The following KIF6 variants were observed in gnomAD, a reference collection of about 807,000 sequenced individuals.
The protein encoded by KIF6 is kinesin-like protein KIF6.
In KIF6, 106 loss-of-function variants were observed where a neutral mutation model predicts 112.7. The observed-to-expected ratio is 0.94, with a 90% CI of 0.80 to 1.11. The LOEUF (loss-of-function observed/expected upper bound fraction) is 1.11. Among genes scored for constraint, KIF6 ranks in the 50% least tolerant of loss-of-function variants. KIF6 has a pLI of 0.00. For synonymous variants in KIF6, 339 were observed against 339.9 expected (o/e 1.00, Z 0.03); for missense variants, 929 against 964.0 (o/e 0.96, Z 0.48).
At chr6:39,433,082 C>CAG (rs199821913) in intron 13 of KIF6, among the ~76,000 whole-genome samples, 3,412 of 152,320 alleles carry the variant, frequency 0.022, 69 homozygotes, top group Non-Finnish European at 0.029. Context: ...GCAGAGCTGA[C>CAG]TGTGAATGGA....
chr6:39,495,187 G>A (rs1413904928), intron 13 of KIF6, among the ~76,000 whole-genome samples: 1 of 152,186 alleles, frequency 6.6e-6, no homozygotes, highest in Non-Finnish European at 1.5e-5. Flanking sequence ...TTCTGCTAAG[G>A]CACTGGTGGA....
chr6:39,622,334 C>G (rs1490899594), intron 5 of KIF6, among the ~76,000 whole-genome samples: 1 of 151,612 alleles, frequency 6.6e-6, no homozygotes, highest in Non-Finnish European at 1.5e-5. Flanking sequence ...TATGTGCTTG[C>G]TTTTTAACTT....
intron 19 of KIF6, among the ~76,000 whole-genome samples, chr6:39,348,795 G>C (rs1443786906): frequency 6.6e-6 from 1 of 152,178 alleles, no homozygotes; most frequent in Non-Finnish European, 1.5e-5. Context: ...ATGAGCAGAA[G>C]ACCAGCGCCC....
chr6:39,446,534 C>T (rs1772329395), intron 13 of KIF6, among the ~76,000 whole-genome samples: 1 of 152,174 alleles, frequency 6.6e-6, no homozygotes, highest in South Asian at 2.1e-4. Flanking sequence ...ACTCTTGTTG[C>T]CCAGGCTGGA....
intron 3 of KIF6, chr6:39,691,355 T>C (rs923786936): frequency 6.6e-6 from 1 of 152,082 alleles, no homozygotes; most frequent in African/African-American, 2.4e-5. Context: ...CAGTGTGGAG[T>C]TAAATTAAGA....
chr6:39,536,798 T>C (rs1181393304), intron 13 of KIF6, among the ~76,000 whole-genome samples: 3 of 151,778 alleles, frequency 2.0e-5, no homozygotes, highest in African/African-American at 7.3e-5. Context: ...CTGATGAACA[T>C]TGATGCAAAA....
chr6:39,387,493 A>G (rs1767525437), intron 15 of KIF6, among the ~76,000 whole-genome samples: 1 of 152,168 alleles, frequency 6.6e-6, no homozygotes, highest in Non-Finnish European at 1.5e-5. Context: ...AATTATGCAT[A>G]GAGAGCGTGG....
At chr6:39,639,793 A>C (rs964072567) in intron 3 of KIF6, 36 bp from the exon 4 acceptor site, 1 of 1,582,840 alleles carries the variant, frequency 6.3e-7, no homozygotes, top group East Asian at 2.3e-5. Flanking sequence ...CAATATCAAC[A>C]TGGCTAACTG....
At chr6:39,364,096 C>T (rs1435008317) in intron 16 of KIF6, among the ~76,000 whole-genome samples, 1 of 145,516 alleles carries the variant, frequency 6.9e-6, no homozygotes, top group East Asian at 2.0e-4. Context: ...GTGTCTGGAA[C>T]TTTTTTTTTT....
chr6:39,562,243 AC>A (rs1780047024), intron 10 of KIF6, among the ~76,000 whole-genome samples: 1 of 152,192 alleles, frequency 6.6e-6, no homozygotes, highest in African/African-American at 2.4e-5. Context: ...CTTCTAACAC[AC>A]CAAAAATCAG....
At chr6:39,453,116 G>A (rs1772811391) in intron 13 of KIF6, among the ~76,000 whole-genome samples, 1 of 152,224 alleles carries the variant, frequency 6.6e-6, no homozygotes. Context: ...GATCTACAAT[G>A]TATGAAGAAT....
intron 3 of KIF6, among the ~76,000 whole-genome samples, chr6:39,684,629 A>AAT (rs1191554485): frequency 1.3e-5 from 2 of 151,520 alleles, no homozygotes; most frequent in Non-Finnish European, 2.9e-5. Flanking sequence ...AAAAAAAAAA[A>AAT]AAATACAAAA....
chr6:39,343,226 C>T lies in KIF6; in HGVS notation c.2428+483G>A. 1 of 1,237,644 alleles carries T rather than the reference C, an allele frequency of 8.1e-7. No homozygotes were observed. Among genetic ancestry groups the T allele is most frequent in the South Asian group, 1.4e-5 (1 of 70,722 alleles). The allele number at this position is 1,237,644 out of a possible 1,614,324, so 76.7% of individuals were successfully genotyped here. On this transcript the variant is annotated intron_variant, in intron 22 of 22. Transcript: ENST00000287152. The surrounding 1 kb of genome is among the most constrained non-coding windows in gnomAD (Gnocchi z 4.1). ...GTCTGACACGCCACTCTTACTTCCT[C>T]TGTGATTGTTATGGTGTCCTCGGGC...
At chr6:39,425,317 T>G (rs1327408265) in intron 14 of KIF6, among the ~76,000 whole-genome samples, 9 of 152,160 alleles carry the variant, frequency 5.9e-5, no homozygotes, top group African/African-American at 2.2e-4. Context: ...CCAATACCCT[T>G]CCCTGTCAGA....
rs879845899 is a variant in KIF6, at chr6:39,337,195, CTTTCTTTCTTTCTTTCTTTCT to C, written c.2429-668_2429-648del. Among the ~76,000 whole-genome samples, 301 of 91,128 alleles carry C rather than the reference CTTTCTTTCTTTCTTTCTTTCT, an allele frequency of 3.3e-3. 17 individuals carry two copies. Among genetic ancestry groups the C allele is most frequent in the African/African-American group, 0.023 (284 of 12,608 alleles). The allele number at this position is 91,128 out of a possible 152,430, so 59.8% of individuals were successfully genotyped here. A position where few individuals can be genotyped will look rare whatever the true frequency, so the allele number is the denominator to read the frequency against. ...TCCTTCTTTCTTTCTTTCTTTCTTT[CTTTCTTTCTTTCTTTCTTTCT>C]TTCTTTCTTTCTTTCTTTCTTTTTC... On this transcript the variant is annotated intron_variant, in intron 22 of 22. Coordinates refer to ENST00000287152, the MANE Select transcript of KIF6 (RefSeq NM_145027.6).
chr6:39,358,195 G>T (rs1316999724), intron 18 of KIF6, among the ~76,000 whole-genome samples: 5 of 152,218 alleles, frequency 3.3e-5, no homozygotes, highest in African/African-American at 1.2e-4. Flanking sequence ...GAACGTGAGT[G>T]CATACAGGAA....
In KIF6 at chr6:39,362,516, T is replaced by C. The variant is rs1002939449; in HGVS notation, c.1864A>G (p.Ile622Val). The C allele has an allele frequency of 3.1e-6, 5 of 1,612,358 alleles. No individual in the cohort carries two copies. The highest frequency in any genetic ancestry group is 1.7e-4 in the Middle Eastern group (1 of 6,056). ...AGAGGCACGGCCATGTTTTCCGAGA[T>C]TCCTGTAGAAGGAAGGTGCCAATGG... Reference protein sequence around the residue: ...QRHIQQVALGISENMAVPLMP... With the variant: ...QRHIQQVALGVSENMAVPLMP... Residue 622 changes from isoleucine to valine, a missense_variant and splice_region_variant, in exon 17 of 23, where the codon ATC becomes GTC. Ile to Val is a conservative substitution (Grantham distance 29). Transcript: ENST00000287152.
chr6:39,345,278 A>G (rs917113537), intron 21 of KIF6, among the ~76,000 whole-genome samples: 6 of 152,334 alleles, frequency 3.9e-5, no homozygotes, highest in Non-Finnish European at 8.8e-5. Flanking sequence ...AAAGAGGCTG[A>G]GCAGCCATTC....
chr6:39,538,129 G>C (rs1042334779), intron 13 of KIF6, among the ~76,000 whole-genome samples: 24 of 152,132 alleles, frequency 1.6e-4, no homozygotes, highest in African/African-American at 5.5e-4. Context: ...AGAAAACCTA[G>C]GCATTACCAT....
Sources: gnomAD v4.1 joint callset for allele counts (sites outside exome capture counted in the v4.1 genomes callset) on GRCh38, gnomAD v4.1.1 for gene constraint, Gnocchi (gnomAD v3.1) non-coding constraint, MANE v1.5 for transcripts, NCBI Gene and HGNC (gene_info 2026-07-23, HGNC 2026-07-21) for gene names.